Variants in TBCK observed in about 807,000 individuals in gnomAD.
TBCK encodes TBC1 domain containing kinase.
Under a neutral mutation model 113.4 loss-of-function variants are expected in TBCK, and 99 were observed. The ratio of observed to expected loss-of-function variants is 0.87; its 90% CI spans 0.74 to 1.03. The LOEUF is 1.03. TBCK is among the 50% of genes least tolerant of loss of function. TBCK has a pLI of 0.00. For missense variants in TBCK, 1,045 were observed against 1,061.3 expected, an observed-to-expected ratio of 0.98 and a Z score of 0.21; for synonymous variants, 369 against 370.8, an observed-to-expected ratio of 1.00 and a Z score of 0.05.
At chr4:106,202,170 A>C (rs1754960820) in intron 20 of TBCK, among the ~76,000 whole-genome samples, 1 of 88,200 alleles carries the variant, frequency 1.1e-5, no homozygotes, top group South Asian at 3.7e-4. Flanking sequence ...CATATAACAA[A>C]AGATACACAC....
At chr4:106,261,294 T>C (rs1049230471) in intron 4 of TBCK, among the ~76,000 whole-genome samples, 5 of 152,044 alleles carry the variant, frequency 3.3e-5, no homozygotes, top group African/African-American at 1.2e-4. Context: ...TGTGTGTTTG[T>C]TTTTTAGAGA....
rs551834253 is a variant in TBCK at position 106,122,591 on chromosome 4, A to G, written c.2236-6213T>C. ...CAGCAAAAAAAGCGAATTTTAGACC[A>G]ACATCCCTGATGAACATTGATGCAA... On this transcript the variant is annotated intron_variant, in intron 23 of 25. Transcript: ENST00000394708. 5.9e-4 allele frequency among the ~76,000 whole-genome samples: 90 copies of G among 152,374 alleles called. 3 individuals carry two copies. Among genetic ancestry groups the G allele is most frequent in the Admixed American group, 1.7e-3 (26 of 15,306 alleles).
chr4:106,109,640 G>T (rs1742586114), intron 24 of TBCK, among the ~76,000 whole-genome samples: 1 of 152,154 alleles, frequency 6.6e-6, no homozygotes, highest in Non-Finnish European at 1.5e-5. Flanking sequence ...GTGGGTTAAA[G>T]ACTTTAATGT....
intron 19 of TBCK, among the ~76,000 whole-genome samples, chr4:106,229,978 A>G (rs2149985836): frequency 6.6e-6 from 1 of 152,024 alleles, no homozygotes; most frequent in South Asian, 2.1e-4. Flanking sequence ...GAAATGAGAT[A>G]AATGTAAAGT....
At position 106,041,801 on chromosome 4, in the gene TBCK, A is replaced by C. The variant is rs1476305717; in HGVS notation, c.*4769T>G. 1 of 152,240 alleles carries C rather than the reference A, an allele frequency of 6.6e-6. No individual in the cohort carries two copies. Among genetic ancestry groups the C allele is most frequent in the African/African-American group, 2.4e-5 (1 of 41,456 alleles). 9.4% of individuals were successfully genotyped at this position (152,240 alleles called of 1,614,324 possible). On this transcript the variant is annotated 3_prime_UTR_variant, in exon 26 of 26. Transcript: ENST00000394708. ...ATCACAATCTATCTATAGAACACTG[A>C]ATATGCCAAGATCCAAGTTTAGTTT...
At chr4:106,076,420 A>G (rs949327533) in intron 25 of TBCK, among the ~76,000 whole-genome samples, 3 of 152,244 alleles carry the variant, frequency 2.0e-5, no homozygotes, top group Non-Finnish European at 4.4e-5. Flanking sequence ...GTATTGTGGT[A>G]GCAGTAAAAA....
intron 1 of TBCK, among the ~76,000 whole-genome samples, chr4:106,309,772 A>T (rs991036304): frequency 6.6e-6 from 1 of 152,248 alleles, no homozygotes; most frequent in Non-Finnish European, 1.5e-5. Flanking sequence ...AGAAGGCTCT[A>T]TAATATTAAA....
intron 11 of TBCK, among the ~76,000 whole-genome samples, chr4:106,243,407 A>C (rs896631636): frequency 6.6e-6 from 1 of 152,168 alleles, no homozygotes; most frequent in East Asian, 1.9e-4. Flanking sequence ...TAAATGAATA[A>C]AATTTGTTTA....
chr4:106,292,698 G>A (rs1765854906), intron 3 of TBCK, among the ~76,000 whole-genome samples: 1 of 152,136 alleles, frequency 6.6e-6, no homozygotes, highest in East Asian at 1.9e-4. Flanking sequence ...GTGGATCACT[G>A]GCCAGAGTTT....
At chr4:106,214,674 A>C (rs1198778927) in intron 19 of TBCK, among the ~76,000 whole-genome samples, 1 of 152,172 alleles carries the variant, frequency 6.6e-6, no homozygotes, top group Non-Finnish European at 1.5e-5. Flanking sequence ...AAAAAAGAAT[A>C]AAAAGAAACG....
Position 106,308,947 on chromosome 4 carries a change from T to A in TBCK, c.14A>T (p.Lys5Met). Residue 5 changes from lysine (K) to methionine (M), a missense_variant, in exon 2 of 26, where the codon AAG becomes ATG. Physicochemically the swap from Lys to Met is moderately conservative, Grantham distance 95. Transcript: ENST00000394708. MFPL[K>M]DAEMGAFTFF... Reference sequence around the variant, plus strand: ...GGTAAAGGCTCCCATTTCAGCGTCCTTCAGGGGAAACATTTTTGGAGTCCT... The same window carrying A: ...GGTAAAGGCTCCCATTTCAGCGTCCATCAGGGGAAACATTTTTGGAGTCCT... The A allele has an allele frequency of 6.2e-7, 1 of 1,613,708 alleles. No homozygotes were observed. Among genetic ancestry groups the A allele is most frequent in the Non-Finnish European group, 8.5e-7 (1 of 1,179,846 alleles).
At chr4:106,227,356 A>G (rs184080201) in intron 19 of TBCK, among the ~76,000 whole-genome samples, 1 of 151,984 alleles carries the variant, frequency 6.6e-6, no homozygotes. Flanking sequence ...TGATGCTGAA[A>G]AAACAAATGT....
intron 10 of TBCK, among the ~76,000 whole-genome samples, chr4:106,246,504 A>C (rs1002164938): frequency 6.6e-6 from 1 of 152,098 alleles, no homozygotes; most frequent in African/African-American, 2.4e-5. Context: ...ATTTTTAGAG[A>C]TCATTTATAA....
At chr4:106,158,093 A>G (rs1397066868) in intron 23 of TBCK, among the ~76,000 whole-genome samples, 3 of 152,200 alleles carry the variant, frequency 2.0e-5, no homozygotes, top group Non-Finnish European at 4.4e-5. Flanking sequence ...GTCAAGGGAA[A>G]TATTACATTG....
chr4:106,136,580 T>C lies in TBCK; in HGVS notation c.2236-20202A>G, dbSNP rs1292195511. Among the ~76,000 whole-genome samples the C allele has an allele frequency of 1.4e-5, 2 of 141,008 alleles. 1 individual carries two copies. The highest frequency in any genetic ancestry group is 3.2e-5 in the Non-Finnish European group (2 of 62,028). The allele number at this position is 141,008 out of a possible 152,430, so 92.5% of individuals were successfully genotyped here. On this transcript the variant is annotated intron_variant, in intron 23 of 25. Coordinates refer to ENST00000394708, the MANE Select transcript of TBCK (RefSeq NM_001163435.3). Reference sequence around the variant, plus strand: ...AGGCACTGGTTCTACCTTTAGGAGGTATGCTGAAGAAATCCTCTCATTTAA... The same window carrying C: ...AGGCACTGGTTCTACCTTTAGGAGGCATGCTGAAGAAATCCTCTCATTTAA...
chr4:106,132,218 C>T (rs1579002936), intron 23 of TBCK, among the ~76,000 whole-genome samples: 1 of 152,342 alleles, frequency 6.6e-6, no homozygotes, highest in East Asian at 1.9e-4. Flanking sequence ...CATCCTATCA[C>T]AGGCCTGGAG....
chr4:106,285,764 T>C (rs771040948), intron 3 of TBCK, among the ~76,000 whole-genome samples: 33 of 152,200 alleles, frequency 2.2e-4, no homozygotes, highest in Admixed American at 4.6e-4. Context: ...CAACCCCATC[T>C]AAATAGGTTT....
In TBCK at chr4:106,285,967, G is replaced by A. The variant is rs566165199; in HGVS notation, c.266+9127C>T. 3.9e-5 allele frequency among the ~76,000 whole-genome samples: 6 copies of A among 152,262 alleles called. 1 individual carries two copies. In the South Asian group the frequency reaches 1.2e-3, roughly 32 times the overall value. ...GAGACTAATGTAATCCAAATATGTG[G>A]AAAAGTCAAATAGTTCTCAGCAAAA... On this transcript the variant is annotated intron_variant, in intron 3 of 25. Coordinates refer to ENST00000394708, the MANE Select transcript of TBCK (RefSeq NM_001163435.3).
chr4:106,298,097 A>C (rs1333029109), intron 2 of TBCK, among the ~76,000 whole-genome samples: 1 of 152,026 alleles, frequency 6.6e-6, no homozygotes, highest in Admixed American at 6.6e-5. Flanking sequence ...TCTACATTTT[A>C]ATTTTGTTTT....
Sources: gnomAD v4.1 joint callset for allele counts (sites outside exome capture counted in the v4.1 genomes callset) on GRCh38, gnomAD v4.1.1 for gene constraint, MANE v1.5 for transcripts, NCBI Gene and HGNC (gene_info 2026-07-23, HGNC 2026-07-21) for gene names.